The following ATP8A2 variants were observed in gnomAD, a reference collection of about 807,000 sequenced individuals.
ATP8A2 encodes the protein ATPase phospholipid transporting 8A2, also known as phospholipid-transporting ATPase IB.
A neutral mutation model predicts 165.6 loss-of-function variants in ATP8A2; 100 were observed. The observed-to-expected ratio is 0.60, with a 90% CI of 0.51 to 0.71. The LOEUF (loss-of-function observed/expected upper bound fraction) is 0.71, where lower values mean the gene tolerates loss of function less well. ATP8A2 is among the 30% of genes least tolerant of loss of function. ATP8A2 has a pLI of 0.00. For missense variants in ATP8A2, 1,227 were observed against 1,479.5 expected (o/e 0.83, Z 2.80); for synonymous variants, 543 against 548.8 (o/e 0.99, Z 0.15).
chr13:25,556,866 A>G (rs2038997305), intron 13 of ATP8A2, among the ~76,000 whole-genome samples: 1 of 152,138 alleles, frequency 6.6e-6, no homozygotes, highest in African/African-American at 2.4e-5. Context: ...TGCCTGGTGA[A>G]GGAATACTAC....
intron 24 of ATP8A2, among the ~76,000 whole-genome samples, chr13:25,628,160 TG>T (rs2041150520): frequency 6.6e-6 from 1 of 152,170 alleles, no homozygotes; most frequent in Admixed American, 6.6e-5. Flanking sequence ...CCCTCCCTCT[TG>T]CTGACTTAGA....
chr13:25,376,427 T>G (rs1010879843), intron 1 of ATP8A2, among the ~76,000 whole-genome samples: 1 of 152,232 alleles, frequency 6.6e-6, no homozygotes, highest in East Asian at 1.9e-4. Context: ...TGGAAGTTTC[T>G]TAAGGGCAGT....
At chr13:25,952,573 A>G (rs549780027) in intron 33 of ATP8A2, among the ~76,000 whole-genome samples, 9 of 152,146 alleles carry the variant, frequency 5.9e-5, no homozygotes, top group East Asian at 1.9e-4. Flanking sequence ...ACAGGGTCTC[A>G]CGATGTCCTG....
rs544892817 is a variant in ATP8A2, at chr13:25,576,488, G to A, written c.1713-581G>A. On this transcript the variant is annotated intron_variant, in intron 19 of 36. Coordinates refer to ENST00000381655, the MANE Select transcript of ATP8A2 (RefSeq NM_016529.6). ...AGAGCAGTAAGAAGAATTCATAGGC[G>A]GTGGAGACTCACTGAGGGCTCGGTG... Among the ~76,000 whole-genome samples the A allele has an allele frequency of 2.6e-5, 4 of 152,204 alleles. No individual in the cohort carries two copies. The South Asian group carries it at 6.2e-4, about 24-fold the overall frequency.
At chr13:25,877,735 G>GACT (rs1289787442) in intron 33 of ATP8A2, among the ~76,000 whole-genome samples, 3 of 152,142 alleles carry the variant, frequency 2.0e-5, no homozygotes, top group Non-Finnish European at 2.9e-5. Context: ...TTTGCCTAGA[G>GACT]ACTCCTCTTA....
chr13:25,615,370 G>A (rs2040796898), intron 24 of ATP8A2, among the ~76,000 whole-genome samples: 1 of 152,142 alleles, frequency 6.6e-6, no homozygotes, highest in Non-Finnish European at 1.5e-5. Context: ...AAGCCCGAAA[G>A]GCTGGTCTCA....
At chr13:25,587,159 C>T (rs979837540) in intron 23 of ATP8A2, among the ~76,000 whole-genome samples, 12 of 152,104 alleles carry the variant, frequency 7.9e-5, no homozygotes, top group Non-Finnish European at 1.5e-4. Context: ...CTCATTTTAT[C>T]CAAAAACATT....
Position 25,942,472 on chromosome 13 carries a change from G to C in ATP8A2, c.3184-19103G>C, listed in dbSNP as rs926871150. Among the ~76,000 whole-genome samples the C allele has an allele frequency of 2.6e-5, 4 of 152,134 alleles. No individual in the cohort carries two copies. The East Asian group carries it at 7.7e-4, about 29-fold the overall frequency. ...AGTCTCGCTCTTGTACCCTAGGCTG[G>C]AGTGCAGTGGCATGATCTTGGCTCA... On this transcript the variant is annotated intron_variant, in intron 33 of 36. Transcript: ENST00000381655.
At chr13:25,771,176 T>C (rs1478825499) in intron 26 of ATP8A2, among the ~76,000 whole-genome samples, 1 of 152,188 alleles carries the variant, frequency 6.6e-6, no homozygotes, top group Non-Finnish European at 1.5e-5. Flanking sequence ...AATCTTGACT[T>C]TATAGGTGGG....
rs886279964 is a variant in ATP8A2, at chr13:25,378,684, T to G, written c.76+6396T>G. Among the ~76,000 whole-genome samples, 55 of 152,210 alleles carry G rather than the reference T, an allele frequency of 3.6e-4. 2 individuals carry two copies. The highest frequency in any genetic ancestry group is 4.4e-5 in the Non-Finnish European group (3 of 68,030). On this transcript the variant is annotated intron_variant, in intron 1 of 36. Transcript: ENST00000381655. ...GTGAATAGCTACAGGGTTCCAAAAC[T>G]GCGAGTGAAGCACCTCCTCCACATA...
At chr13:25,384,921 A>G (rs1003703680) in intron 1 of ATP8A2, among the ~76,000 whole-genome samples, 1 of 152,188 alleles carries the variant, frequency 6.6e-6, no homozygotes, top group Non-Finnish European at 1.5e-5. Flanking sequence ...CACTGCCTTG[A>G]GCAAGTGCAG....
intron 1 of ATP8A2, among the ~76,000 whole-genome samples, chr13:25,440,926 T>G (rs1246133325): frequency 6.6e-6 from 1 of 152,192 alleles, no homozygotes; most frequent in African/African-American, 2.4e-5. Context: ...ATTATTTAGA[T>G]GAATACTTAA....
At chr13:25,888,996 AT>A (rs926619958) in intron 33 of ATP8A2, among the ~76,000 whole-genome samples, 25 of 151,910 alleles carry the variant, frequency 1.6e-4, no homozygotes, top group Admixed American at 6.6e-5. Context: ...AAATATGGCA[AT>A]TTTTTCCTAC....
chr13:25,632,714 T>C (rs2041272136), intron 24 of ATP8A2, among the ~76,000 whole-genome samples: 1 of 152,178 alleles, frequency 6.6e-6, no homozygotes, highest in African/African-American at 2.4e-5. Context: ...AATCCTGAGC[T>C]GCTCTGTGGG....
At chr13:25,691,285 T>A (rs773836242) in intron 24 of ATP8A2, among the ~76,000 whole-genome samples, 1 of 152,220 alleles carries the variant, frequency 6.6e-6, no homozygotes, top group Non-Finnish European at 1.5e-5. Flanking sequence ...CCTGACTCTG[T>A]ACCTTTGGCA....
At chr13:25,839,352 C>T (rs1171301244) in intron 29 of ATP8A2, among the ~76,000 whole-genome samples, 194 bp from the exon 30 acceptor site, 2 of 151,180 alleles carry the variant, frequency 1.3e-5, no homozygotes, top group African/African-American at 2.4e-5. Flanking sequence ...TGGAGATAAT[C>T]CAGTCATTTG....
intron 35 of ATP8A2, among the ~76,000 whole-genome samples, chr13:26,000,007 G>T (rs1956602604): frequency 6.6e-6 from 1 of 152,176 alleles, no homozygotes; most frequent in African/African-American, 2.4e-5. Context: ...GTCTAGGTAG[G>T]TCTGGAATAC....
At chr13:25,471,079 A>G (rs2035830304) in intron 2 of ATP8A2, among the ~76,000 whole-genome samples, 1 of 152,192 alleles carries the variant, frequency 6.6e-6, no homozygotes, top group African/African-American at 2.4e-5. Flanking sequence ...TGCACTGCTC[A>G]TGTAGTTCCA....
intron 24 of ATP8A2, among the ~76,000 whole-genome samples, chr13:25,662,994 A>T (rs1293833691): frequency 1.3e-5 from 2 of 152,216 alleles, no homozygotes; most frequent in Non-Finnish European, 2.9e-5. Context: ...TGGATATTTG[A>T]TGGCTGCCCT....
Sources: gnomAD v4.1 joint callset for allele counts (sites outside exome capture counted in the v4.1 genomes callset) on GRCh38, gnomAD v4.1.1 for gene constraint, MANE v1.5 for transcripts, NCBI Gene and HGNC (gene_info 2026-07-23, HGNC 2026-07-21) for gene names.